The following DPF3 variants were observed in gnomAD, a reference collection of about 807,000 sequenced individuals.
DPF3 encodes the protein zinc finger protein DPF3.
DPF3 carries 18 observed loss-of-function variants against 56.8 expected under a neutral mutation model. That is an observed-to-expected ratio of 0.32 (90% CI 0.22 to 0.47). The LOEUF (loss-of-function observed/expected upper bound fraction) is 0.47. Ranked by LOEUF, DPF3 falls within the 20% of genes least tolerant of loss-of-function variation. The pLI is 1.00. For missense variants in DPF3, 403 were observed against 488.8 expected, an observed-to-expected ratio of 0.82 and a Z score of 1.65; for synonymous variants, 188 against 180.2, an observed-to-expected ratio of 1.04 and a Z score of -0.35.
chr14:72,822,433 T>A (rs947520583), intron 1 of DPF3, among the ~76,000 whole-genome samples: 9 of 152,060 alleles, frequency 5.9e-5, no homozygotes, highest in African/African-American at 2.2e-4. Context: ...AAAAAATTTT[T>A]AAAGGTGCAG....
chr14:72,660,688 A>G (rs1886179047), intron 8 of DPF3, among the ~76,000 whole-genome samples: 1 of 152,210 alleles, frequency 6.6e-6, no homozygotes, highest in South Asian at 2.1e-4. Context: ...GCAACCTTGG[A>G]CAGGTATACT....
rs1883957248 is a variant in DPF3, at chr14:72,614,529, T to C, written c.*4768A>G. Among the ~76,000 whole-genome samples the C allele has an allele frequency of 2.0e-5, 3 of 152,034 alleles. No individual in the cohort carries two copies. Among genetic ancestry groups the C allele is most frequent in the Admixed American group, 6.5e-5 (1 of 15,276 alleles). ...CAGGGGCCTGGGGGCCTGACCCCTC[T>C]GGTAGCAGTGCCTGGAAATGCTTCA... On this transcript the variant is annotated 3_prime_UTR_variant, in exon 11 of 11. Transcript: ENST00000556509.
intron 1 of DPF3, among the ~76,000 whole-genome samples, chr14:72,787,605 A>T (rs1892260425): frequency 2.6e-5 from 4 of 152,230 alleles, no homozygotes; most frequent in Admixed American, 2.6e-4. Context: ...TTCATGGAAT[A>T]GTCCAGTTCG....
rs145854579 is a variant in DPF3, at chr14:72,764,952, C to T, written c.193+6781G>A. ...TGAGCCCTTAGTCTGTGGAATCTGA[C>T]GATATCTCACAGTAGATAGTGTCAA... On this transcript the variant is annotated intron_variant, in intron 2 of 10. Transcript: ENST00000556509. Among the ~76,000 whole-genome samples, 803 of 152,248 alleles carry T rather than the reference C, an allele frequency of 5.3e-3. 9 individuals are homozygous for T. The highest frequency in any genetic ancestry group is 0.018 in the African/African-American group (741 of 41,532).
Position 72,784,437 on chromosome 14 carries a change from C to T in DPF3, c.33-12544G>A, listed in dbSNP as rs189920206. On this transcript the variant is annotated intron_variant, in intron 1 of 10. Transcript: ENST00000556509. ...AAGGATACCAAAACCTCTGTACTGC[C>T]GGAGGGAAATCTCATTTTCTTCTCA... Among the ~76,000 whole-genome samples the T allele has an allele frequency of 1.9e-3, 289 of 152,244 alleles. 2 individuals carry two copies. The highest frequency in any genetic ancestry group is 6.7e-3 in the African/African-American group (280 of 41,554).
intron 6 of DPF3, among the ~76,000 whole-genome samples, chr14:72,695,733 CTACCTA>C (rs1212985767): frequency 1.3e-5 from 2 of 152,092 alleles, no homozygotes; most frequent in African/African-American, 4.8e-5. Context: ...GCTTGAAAAC[CTACCTA>C]TTGGGTACTA....
chr14:72,633,828 C>T (rs1487574512), intron 8 of DPF3, among the ~76,000 whole-genome samples: 2 of 152,112 alleles, frequency 1.3e-5, no homozygotes, highest in East Asian at 3.9e-4. Context: ...AGCAACACTC[C>T]ACCAATATTT....
intron 3 of DPF3, among the ~76,000 whole-genome samples, chr14:72,752,443 G>A (rs557741286): frequency 2.6e-5 from 4 of 152,248 alleles, no homozygotes; most frequent in Admixed American, 6.5e-5. Context: ...CAGGCAGATC[G>A]CTTGAGGCCA....
chr14:72,774,138 A>C (rs1383637537), intron 1 of DPF3, among the ~76,000 whole-genome samples: 1 of 151,920 alleles, frequency 6.6e-6, no homozygotes, highest in African/African-American at 2.4e-5. Context: ...TACAAAAATT[A>C]GCTGGGCCTG....
At chr14:72,714,866 C>T (rs1343296619) in intron 5 of DPF3, among the ~76,000 whole-genome samples, 2 of 152,192 alleles carry the variant, frequency 1.3e-5, no homozygotes, top group African/African-American at 2.4e-5. Flanking sequence ...CACACACTAC[C>T]GTGCCACTGA....
chr14:72,690,191 G>A (rs777348224), intron 7 of DPF3, among the ~76,000 whole-genome samples: 2 of 152,150 alleles, frequency 1.3e-5, no homozygotes, highest in Admixed American at 6.5e-5. Flanking sequence ...TCCACGTAGG[G>A]CGAGGGGAGA....
Position 72,657,383 on chromosome 14 carries a change from G to A in DPF3, c.871+16857C>T, listed in dbSNP as rs180808514. Among the ~76,000 whole-genome samples the A allele has an allele frequency of 7.2e-5, 11 of 152,264 alleles. No individual in the cohort carries two copies. The East Asian group carries it at 1.9e-3, about 27-fold the overall frequency. On this transcript the variant is annotated intron_variant, in intron 8 of 10. Coordinates refer to ENST00000556509, the MANE Select transcript of DPF3 (RefSeq NM_001280542.3). ...TGGAGAGTCGCTGTTATGCATTGCT[G>A]GATTATTCATAGACACTTCTGGTAA...
intron 8 of DPF3, among the ~76,000 whole-genome samples, chr14:72,657,742 G>A (rs1158997515): frequency 6.6e-6 from 1 of 152,160 alleles, no homozygotes; most frequent in Non-Finnish European, 1.5e-5. Flanking sequence ...TGTAAATAAA[G>A]TTTTATTGGA....
At chr14:72,638,988 T>C (rs940596115) in intron 8 of DPF3, among the ~76,000 whole-genome samples, 3 of 152,116 alleles carry the variant, frequency 2.0e-5, no homozygotes, top group Non-Finnish European at 4.4e-5. Flanking sequence ...GGCTAATTTT[T>C]TGTATTTTTT....
chr14:72,623,322 A>C (rs1452937232), intron 9 of DPF3, among the ~76,000 whole-genome samples: 1 of 152,242 alleles, frequency 6.6e-6, no homozygotes, highest in Non-Finnish European at 1.5e-5. Context: ...GTCCCTAAAA[A>C]AAACAAAAGA....
intron 2 of DPF3, among the ~76,000 whole-genome samples, chr14:72,768,771 C>T (rs775878745): frequency 6.6e-6 from 1 of 152,152 alleles, no homozygotes; most frequent in Non-Finnish European, 1.5e-5. Context: ...CACAGAGGAA[C>T]TATCTCAGTG....
chr14:72,678,712 A>G (rs1887023207), intron 7 of DPF3, among the ~76,000 whole-genome samples: 1 of 152,242 alleles, frequency 6.6e-6, no homozygotes, highest in Non-Finnish European at 1.5e-5. Context: ...GAATAAGATG[A>G]CGGGGAGGGC....
chr14:72,714,939 A>G (rs1245733164), intron 5 of DPF3, among the ~76,000 whole-genome samples: 1 of 152,190 alleles, frequency 6.6e-6, no homozygotes, highest in African/African-American at 2.4e-5. Flanking sequence ...TGACAACCCC[A>G]GGCCCCTCAG....
intron 5 of DPF3, among the ~76,000 whole-genome samples, chr14:72,720,500 A>T (rs1889123445): frequency 6.6e-6 from 1 of 152,190 alleles, no homozygotes; most frequent in Non-Finnish European, 1.5e-5. Context: ...ACATGGAACC[A>T]TTCAGCTGCT....
Sources: gnomAD v4.1 joint callset for allele counts (sites outside exome capture counted in the v4.1 genomes callset) on GRCh38, gnomAD v4.1.1 for gene constraint, MANE v1.5 for transcripts, NCBI Gene and HGNC (gene_info 2026-07-23, HGNC 2026-07-21) for gene names.